Variants in WNK2 observed in about 807,000 individuals in gnomAD.
WNK2 encodes WNK lysine deficient protein kinase 2.
Under a neutral mutation model 192.1 loss-of-function variants are expected in WNK2, and 67 were observed. The ratio of observed to expected loss-of-function variants is 0.35; its 90% CI spans 0.29 to 0.43. The LOEUF (loss-of-function observed/expected upper bound fraction) is 0.43, where lower values mean the gene tolerates loss of function less well. WNK2 is among the 20% of genes least tolerant of loss of function. The pLI is 1.00. For synonymous variants in WNK2, 1,439 were observed against 1,393.9 expected, an observed-to-expected ratio of 1.03 and a Z score of -0.72; for missense variants, 2,698 against 3,089.7, an observed-to-expected ratio of 0.87 and a Z score of 3.01.
rs141878295 is a variant in WNK2, at chr9:93,298,958, C to T, written c.5924-112C>T. The T allele has an allele frequency of 5.0e-3, 5,664 of 1,135,220 alleles. 203 individuals are homozygous for T. In the African/African-American group the frequency reaches 0.079, roughly 16 times the overall value. The allele number at this position is 1,135,220 out of a possible 1,614,324, so 70.3% of individuals were successfully genotyped here. On this transcript the variant is annotated intron_variant, in intron 24 of 29. Transcript: ENST00000427277. ...CCATGTGCCTGTGGTCTGCAGGAGA[C>T]GTGAGCTTCCCCAAGGTCACCCAGC...
chr9:93,246,319 G>A (rs113830496), intron 7 of WNK2, among the ~76,000 whole-genome samples: 118 of 152,236 alleles, frequency 7.8e-4, no homozygotes, highest in East Asian at 4.3e-3. Context: ...TCTTAGAGCC[G>A]CGCTGCATTC....
intron 4 of WNK2, 42 bp from the exon 5 acceptor site, chr9:93,234,766 C>G: frequency 6.3e-7 from 1 of 1,592,592 alleles, no homozygotes; most frequent in South Asian, 1.1e-5. Flanking sequence ...CTTCCTGGGC[C>G]CGTGGCCAGC....
intron 23 of WNK2, among the ~76,000 whole-genome samples, chr9:93,295,941 C>T (rs536415826): frequency 4.3e-4 from 61 of 141,078 alleles, no homozygotes; most frequent in African/African-American, 1.5e-3. Flanking sequence ...CCTCTCCACC[C>T]TCAACTCACT....
At chr9:93,187,620 G>A (rs747928341) in intron 2 of WNK2, among the ~76,000 whole-genome samples, 15 of 152,230 alleles carry the variant, frequency 9.9e-5, no homozygotes, top group Middle Eastern at 6.8e-3. Flanking sequence ...TGGAAGTCTC[G>A]TCATCACAAA....
intron 21 of WNK2, among the ~76,000 whole-genome samples, chr9:93,291,064 T>C (rs1413669512): frequency 6.6e-6 from 1 of 151,960 alleles, no homozygotes; most frequent in East Asian, 1.9e-4. Flanking sequence ...TTAAGAGGGG[T>C]CGGGGCAGCT....
chr9:93,217,232 C>T (rs1314546128), intron 2 of WNK2, among the ~76,000 whole-genome samples: 1 of 152,224 alleles, frequency 6.6e-6, no homozygotes, highest in Non-Finnish European at 1.5e-5. Context: ...GCTGGGATTA[C>T]AGGCGAAAGC....
In WNK2 at chr9:93,256,423, G is replaced by T; in HGVS notation, c.2159G>T (p.Gly720Val). The change falls in exon 10 of 30, where the codon GGC becomes GTC. Residue 720 changes from glycine (G) to valine (V), a missense_variant. Physicochemically the swap from Gly to Val is moderately radical, Grantham distance 109. Around this residue, in one of 7 missense-constraint regions of WNK2, gnomAD observed 893 missense variants for 909.0 expected, o/e 0.98. Transcript: ENST00000427277. ...LPPPSTPMPTGPGQPAPPGQQ... is the reference protein window; with the variant it reads ...LPPPSTPMPTVPGQPAPPGQQ... The stretch of plus-strand genomic sequence containing the variant: ...CCGCCCAGCACCCCCATGCCCACGG[G>T]CCCAGGCCAGCCAGCACCCCCCGGC... 1 of 1,536,092 alleles carries T rather than the reference G, an allele frequency of 6.5e-7. No homozygotes were observed. Among genetic ancestry groups the T allele is most frequent in the Non-Finnish European group, 8.7e-7 (1 of 1,146,594 alleles).
intron 2 of WNK2, among the ~76,000 whole-genome samples, chr9:93,196,108 T>G (rs748317628): frequency 5.3e-5 from 8 of 152,200 alleles, no homozygotes; most frequent in Non-Finnish European, 1.0e-4. Flanking sequence ...GGGAAGGTGT[T>G]GGGCCACCTC....
rs2306183 is a variant in WNK2 at position 93,289,897 on chromosome 9, G to T, written c.4867-81G>T. 371 of 1,367,030 alleles carry T rather than the reference G, an allele frequency of 2.7e-4. 4 individuals are homozygous for T. In the South Asian group the frequency reaches 4.5e-3, roughly 17 times the overall value. 84.7% of individuals were successfully genotyped at this position (1,367,030 alleles called of 1,614,324 possible). A position where few individuals can be genotyped will look rare whatever the true frequency, so the allele number is the denominator to read the frequency against. ...AGCCCAGGGGCAGCTTGAGATGAGG[G>T]GAGTGGATTTGCAGATACAGCTGTT... On this transcript the variant is annotated intron_variant, in intron 20 of 29. Coordinates refer to ENST00000427277, the MANE Select transcript of WNK2 (RefSeq NM_006648.4).
intron 29 of WNK2, 95 bp downstream of exon 29, chr9:93,317,726 G>A: frequency 6.6e-7 from 1 of 1,510,196 alleles, no homozygotes. Context: ...GGGGGCCCTG[G>A]GCAGGCCAGG....
intron 19 of WNK2, among the ~76,000 whole-genome samples, chr9:93,286,874 A>G (rs1848514678): frequency 6.6e-6 from 1 of 152,254 alleles, no homozygotes; most frequent in African/African-American, 2.4e-5. Context: ...ATGAACCTAC[A>G]GGACATTATG....
chr9:93,274,348 T>A (rs1274568353), intron 19 of WNK2, among the ~76,000 whole-genome samples: 1 of 151,696 alleles, frequency 6.6e-6, no homozygotes, highest in Non-Finnish European at 1.5e-5. Context: ...CCGTCTCTAC[T>A]AAAAGTACAA....
rs757315196 is a variant in WNK2, at chr9:93,308,590, TGCGGGGCGG to T, written c.6516+8_6516+16del. 2 of 441,338 alleles carry T rather than the reference TGCGGGGCGG, an allele frequency of 4.5e-6. No individual in the cohort carries two copies. Among genetic ancestry groups the T allele is most frequent in the Non-Finnish European group, 4.5e-6 (1 of 221,304 alleles). 27.3% of individuals were successfully genotyped at this position (441,338 alleles called of 1,614,324 possible). A position where few individuals can be genotyped will look rare whatever the true frequency, so the allele number is the denominator to read the frequency against. ...CCCCTGGCGAGGCGCGGGCTGTGAG[TGCGGGGCGG>T]GTGGGGCGGGTGCTCCTGGGGTGGG... On this transcript the variant is annotated splice_region_variant and intron_variant, in intron 28 of 29. Transcript: ENST00000427277.
At chr9:93,227,700 T>G (rs891323034) in intron 2 of WNK2, among the ~76,000 whole-genome samples, 2 of 151,768 alleles carry the variant, frequency 1.3e-5, no homozygotes, top group Non-Finnish European at 2.9e-5. Flanking sequence ...GGGGTCCTGC[T>G]GTGTTACCCA....
In WNK2 at chr9:93,300,163, CT is replaced by C; in HGVS notation, c.6214+18del. On this transcript the variant is annotated intron_variant, in intron 26 of 29. Coordinates refer to ENST00000427277, the MANE Select transcript of WNK2 (RefSeq NM_006648.4). ...CTGTGTCCATCTGTCTGTATTTGTT[CT>C]TTTGTATTTTATCACCTCCTGGCCC... The C allele has an allele frequency of 1.2e-6, 2 of 1,608,996 alleles. No homozygotes were observed. Among genetic ancestry groups the C allele is most frequent in the Non-Finnish European group, 1.7e-6 (2 of 1,176,320 alleles).
chr9:93,206,804 G>C (rs2131386283), intron 2 of WNK2, among the ~76,000 whole-genome samples: 1 of 152,312 alleles, frequency 6.6e-6, no homozygotes, highest in East Asian at 1.9e-4. Flanking sequence ...CCCCGAGGCA[G>C]CTCTTGCCTC....
At chr9:93,315,266 C>T (rs1301838539) in intron 28 of WNK2, among the ~76,000 whole-genome samples, 1 of 152,206 alleles carries the variant, frequency 6.6e-6, no homozygotes, top group Admixed American at 6.5e-5. Context: ...AAAGTCTGCT[C>T]AACTTTCATT....
At position 93,247,704 on chromosome 9, in the gene WNK2, G is replaced by A. The variant is rs542305553; in HGVS notation, c.1704G>A (p.Pro568=). ...VGSPDKARGP[P]VPLQVQVTYH... is the part of the protein sequence containing the mutation. ...GCCCGGACAAGGCCAGGGGTCCGCC[G>A]GTGCCCCTGCAGGTCCAGGTGACCT... Residue 568 remains proline (P), a synonymous_variant, in exon 8 of 30, where the codon CCG becomes CCA. Coordinates refer to ENST00000427277, the MANE Select transcript of WNK2 (RefSeq NM_006648.4). This position sits in a 1 kb window ranked among gnomAD's most constrained non-coding sequence, Gnocchi z 5.2. 1.9e-5 allele frequency: 29 copies of A among 1,564,108 alleles called. No homozygotes were observed. Among genetic ancestry groups the A allele is most frequent in the East Asian group, 9.5e-5 (4 of 41,914 alleles).
At chr9:93,265,679 A>G (rs1324850510) in intron 16 of WNK2, among the ~76,000 whole-genome samples, 1 of 152,256 alleles carries the variant, frequency 6.6e-6, no homozygotes, top group East Asian at 1.9e-4. Flanking sequence ...ATAATAATAA[A>G]GTGAACACCC....
Sources: allele counts gnomAD v4.1 joint callset (sites outside exome capture counted in the v4.1 genomes callset), GRCh38; gene constraint gnomAD v4.1.1; regional missense constraint gnomAD v4.1.1; non-coding constraint Gnocchi (gnomAD v3.1); transcripts MANE v1.5; gene names NCBI Gene and HGNC (gene_info 2026-07-23, HGNC 2026-07-21).